SFMBT2: variants seen among roughly 807,000 people sequenced by gnomAD.
SFMBT2 encodes the protein Scm like with four mbt domains 2.
In SFMBT2, 38 loss-of-function variants were observed where a neutral mutation model predicts 110.1. The observed-to-expected ratio is 0.35, with a 90% CI of 0.27 to 0.45. The LOEUF (loss-of-function observed/expected upper bound fraction) is 0.45. Among genes scored for constraint, SFMBT2 ranks in the 20% least tolerant of loss-of-function variants. SFMBT2 has a pLI of 1.00. For synonymous variants in SFMBT2, 425 were observed against 425.4 expected, an observed-to-expected ratio of 1.00 and a Z score of 0.01; for missense variants, 1,011 against 1,094.9, an observed-to-expected ratio of 0.92 and a Z score of 1.08.
intron 16 of SFMBT2, among the ~76,000 whole-genome samples, chr10:7,183,007 T>C (rs1838287892): frequency 6.6e-6 from 1 of 152,098 alleles, no homozygotes; most frequent in Non-Finnish European, 1.5e-5. Context: ...AACACTAAGT[T>C]TTTGAAGCAA....
At chr10:7,325,261 C>T (rs952623664) in intron 4 of SFMBT2, among the ~76,000 whole-genome samples, 3 of 151,998 alleles carry the variant, frequency 2.0e-5, no homozygotes, top group Non-Finnish European at 4.4e-5. Flanking sequence ...AGCCACCGCG[C>T]CCCCACCCAA....
At position 7,172,916 on chromosome 10, in the gene SFMBT2, G is replaced by A. The variant is rs1050712398; in HGVS notation, c.1985-255C>T. Among the ~76,000 whole-genome samples, 12 of 152,052 alleles carry A rather than the reference G, an allele frequency of 7.9e-5. No homozygotes were observed. Among genetic ancestry groups the A allele is most frequent in the African/African-American group, 2.4e-4 (10 of 41,374 alleles). ...CAAAGTGAGTGTATCTGGATGTCCCGAACCCCCAAAGTGAGTGTACAAGGG... is the reference window on the plus strand; with the variant it reads ...CAAAGTGAGTGTATCTGGATGTCCCAAACCCCCAAAGTGAGTGTACAAGGG... On this transcript the variant is annotated intron_variant, in intron 17 of 20. Coordinates refer to ENST00000397167, the MANE Select transcript of SFMBT2 (RefSeq NM_001387889.1). The surrounding 1 kb of genome is among the most constrained non-coding windows in gnomAD (Gnocchi z 4.6).
chr10:7,275,567 G>C (rs7070475), intron 7 of SFMBT2, among the ~76,000 whole-genome samples: 12,315 of 152,048 alleles, frequency 0.081, 1,654 homozygotes, highest in African/African-American at 0.28. Context: ...AACAACATTG[G>C]CCACCACAAC....
At chr10:7,386,719 G>A (rs1365398464) in intron 1 of SFMBT2, among the ~76,000 whole-genome samples, 2 of 152,204 alleles carry the variant, frequency 1.3e-5, no homozygotes, top group African/African-American at 2.4e-5. Context: ...AGCTTCTGTC[G>A]CTCCAAAGAG....
At position 7,352,388 on chromosome 10, in the gene SFMBT2, T is replaced by A. The variant is rs142687615; in HGVS notation, c.436+15261A>T. On this transcript the variant is annotated intron_variant, in intron 4 of 20. Coordinates refer to ENST00000397167, the MANE Select transcript of SFMBT2 (RefSeq NM_001387889.1). Reference sequence around the variant, plus strand: ...CCCAGGTGGGAGTACAGTGGTGCAATCACAGCTCACTGCAGCCTCGACCTC... The same window carrying A: ...CCCAGGTGGGAGTACAGTGGTGCAAACACAGCTCACTGCAGCCTCGACCTC... Among the ~76,000 whole-genome samples the A allele has an allele frequency of 2.8e-3, 425 of 152,230 alleles. 4 individuals carry two copies. Among genetic ancestry groups the A allele is most frequent in the East Asian group, 0.02 (101 of 5,176 alleles).
chr10:7,271,904 C>T (rs1227596176), intron 7 of SFMBT2, among the ~76,000 whole-genome samples: 1 of 152,282 alleles, frequency 6.6e-6, no homozygotes, highest in South Asian at 2.1e-4. Context: ...AGACCCACCC[C>T]CATGATTCAG....
At chr10:7,253,841 A>AG in intron 7 of SFMBT2, among the ~76,000 whole-genome samples, 1 of 151,842 alleles carries the variant, frequency 6.6e-6, no homozygotes, top group Non-Finnish European at 1.5e-5. Context: ...AAAAAAAAAA[A>AG]AATCCCTCTA....
rs1007328515 is a variant in SFMBT2, at chr10:7,160,593, G to A, written c.*3177C>T. 4 of 152,154 alleles carry A rather than the reference G, an allele frequency of 2.6e-5. No individual in the cohort carries two copies. Among genetic ancestry groups the A allele is most frequent in the Non-Finnish European group, 4.4e-5 (3 of 68,044 alleles). 9.4% of individuals were successfully genotyped at this position (152,154 alleles called of 1,614,324 possible). ...ACGGTACCATCCAGGGAAGGAATGCGGGGCATCACTTTTTGGTGTTTAGAC... is the reference window on the plus strand; with the variant it reads ...ACGGTACCATCCAGGGAAGGAATGCAGGGCATCACTTTTTGGTGTTTAGAC... On this transcript the variant is annotated 3_prime_UTR_variant, in exon 21 of 21. Transcript: ENST00000397167.
At chr10:7,246,331 A>G (rs80242277) in intron 8 of SFMBT2, 2,833 of 202,928 alleles carry the variant, frequency 0.014, 62 homozygotes, top group African/African-American at 0.061. Context: ...CAGCTAGAAA[A>G]AGAGATTTGG....
At chr10:7,197,443 CA>C (rs1197685427) in intron 15 of SFMBT2, 104 bp downstream of exon 15, 5 of 1,468,806 alleles carry the variant, frequency 3.4e-6, no homozygotes, top group Non-Finnish European at 4.6e-6. Flanking sequence ...CGGTAAATGC[CA>C]GCTGAACTGC....
intron 12 of SFMBT2, 187 bp from the exon 13 acceptor site, chr10:7,202,709 A>C: frequency 1.0e-6 from 1 of 985,442 alleles, no homozygotes; most frequent in Non-Finnish European, 1.2e-6. Flanking sequence ...TTAACTCACC[A>C]GATGTCAGAT....
At chr10:7,193,578 A>G (rs572621036) in intron 15 of SFMBT2, among the ~76,000 whole-genome samples, 1 of 152,228 alleles carries the variant, frequency 6.6e-6, no homozygotes, top group East Asian at 1.9e-4. Flanking sequence ...CACCTTCATC[A>G]TGGGTCTGTG....
chr10:7,173,616 G>A lies in SFMBT2; in HGVS notation c.1985-955C>T, dbSNP rs2692790. Among the ~76,000 whole-genome samples, 1,481 of 152,288 alleles carry A rather than the reference G, an allele frequency of 9.7e-3. 24 individuals are homozygous for A. Among genetic ancestry groups the A allele is most frequent in the African/African-American group, 0.032 (1,341 of 41,544 alleles). On this transcript the variant is annotated intron_variant, in intron 17 of 20. Transcript: ENST00000397167. Reference sequence around the variant, plus strand: ...AAATTATTTATTGAACTTTAGTAGTGATTAATGTTTTTTATAAACAAAATG... The same window carrying A: ...AAATTATTTATTGAACTTTAGTAGTAATTAATGTTTTTTATAAACAAAATG...
chr10:7,360,866 T>G (rs114106622), intron 4 of SFMBT2, among the ~76,000 whole-genome samples: 1 of 152,248 alleles, frequency 6.6e-6, no homozygotes, highest in South Asian at 2.1e-4. Context: ...GAGAAAGGGT[T>G]ACTTTGTTTC....
In SFMBT2 at chr10:7,373,081, C is replaced by G. The variant is rs578035222; in HGVS notation, c.101-2706G>C. Among the ~76,000 whole-genome samples the G allele has an allele frequency of 7.9e-5, 12 of 152,350 alleles. No individual in the cohort carries two copies. The South Asian group carries it at 2.5e-3, about 32-fold the overall frequency. On this transcript the variant is annotated intron_variant, in intron 2 of 20. Coordinates refer to ENST00000397167, the MANE Select transcript of SFMBT2 (RefSeq NM_001387889.1). ...ATTCCCAATGTGGCAGTGCTGGGAG[C>G]TGAGGTCTAGCAGGGGCTATCTGGG... is the stretch of plus-strand genomic sequence containing the variant.
chr10:7,283,005 G>T lies in SFMBT2; in HGVS notation c.772+899C>A, dbSNP rs555948940. On this transcript the variant is annotated intron_variant, in intron 6 of 20. Coordinates refer to ENST00000397167, the MANE Select transcript of SFMBT2 (RefSeq NM_001387889.1). Reference sequence around the variant, plus strand: ...GGAGGCCGGTAAGAGGGGTGGGAGGGGCCCAGCACCTGGGAATCTGAATTG... The same window carrying T: ...GGAGGCCGGTAAGAGGGGTGGGAGGTGCCCAGCACCTGGGAATCTGAATTG... Among the ~76,000 whole-genome samples the T allele has an allele frequency of 2.0e-5, 3 of 152,260 alleles. No individual in the cohort carries two copies. In the South Asian group the frequency reaches 6.2e-4, roughly 32 times the overall value.
intron 6 of SFMBT2, 116 bp downstream of exon 6, chr10:7,283,788 C>G (rs1432738067): frequency 7.6e-6 from 6 of 788,616 alleles, no homozygotes; most frequent in East Asian, 2.4e-5. Context: ...GCTTAATATT[C>G]ACATACTCAG....
Position 7,171,787 on chromosome 10 carries a change from T to C in SFMBT2, c.2415+108A>G, listed in dbSNP as rs530555745. The C allele has an allele frequency of 3.4e-6, 4 of 1,165,238 alleles. No individual in the cohort carries two copies. The highest frequency in any genetic ancestry group is 6.2e-5 in the East Asian group (2 of 32,146). The allele number at this position is 1,165,238 out of a possible 1,614,324, so 72.2% of individuals were successfully genotyped here. A position where few individuals can be genotyped will look rare whatever the true frequency, so the allele number is the denominator to read the frequency against. ...GGGAACTAGCTAGAGCAGCTGCTGC[T>C]GTTGGAGGTATTTTAAACAGGTTTC... On this transcript the variant is annotated intron_variant, in intron 19 of 20. Transcript: ENST00000397167. This position sits in a 1 kb window ranked among gnomAD's most constrained non-coding sequence, Gnocchi z 4.9.
At chr10:7,215,807 G>T in intron 11 of SFMBT2, 1 of 849,860 alleles carries the variant, frequency 1.2e-6, no homozygotes, top group Non-Finnish European at 1.4e-6. Flanking sequence ...TACTAGGGAT[G>T]GCTCCCCGTG....
Sources: gnomAD v4.1 joint callset for allele counts (sites outside exome capture counted in the v4.1 genomes callset) on GRCh38, gnomAD v4.1.1 for gene constraint, Gnocchi (gnomAD v3.1) non-coding constraint, MANE v1.5 for transcripts, NCBI Gene and HGNC (gene_info 2026-07-23, HGNC 2026-07-21) for gene names.